The following FOXO3B variants were observed in gnomAD, a reference collection of about 807,000 sequenced individuals.
FOXO3B encodes the protein forkhead box O3B.
A neutral mutation model predicts 21.9 loss-of-function variants in FOXO3B; 15 were observed. The observed-to-expected ratio is 0.68, with a 90% CI of 0.46 to 1.05. The LOEUF (loss-of-function observed/expected upper bound fraction) is 1.05, where lower values mean the gene tolerates loss of function less well. FOXO3B is among the 50% of genes least tolerant of loss of function. FOXO3B has a pLI of 0.00. For synonymous variants in FOXO3B, 135 were observed against 213.6 expected (o/e 0.63, Z 3.21); for missense variants, 293 against 435.5 (o/e 0.67, Z 2.91).
At chr17:18,677,203 T>C (rs1370287382) in intron 3 of FOXO3B, 45 of 1,418,464 alleles carry the variant, frequency 3.2e-5, no homozygotes, top group Non-Finnish European at 4.3e-5. Context: ...TGGCACTATC[T>C]ACCAACAGTG....
chr17:18,678,923 G>A (rs2032538468), intron 3 of FOXO3B, among the ~76,000 whole-genome samples: 1 of 151,752 alleles, frequency 6.6e-6, no homozygotes, highest in Non-Finnish European at 1.5e-5. Flanking sequence ...TCCAGGAATG[G>A]GCCTAATACC....
rs1175189791 is a variant in FOXO3B at position 18,682,041 on chromosome 17, C to T, written c.-196+163G>A. The T allele has an allele frequency of 5.0e-6, 3 of 601,590 alleles. No individual in the cohort carries two copies. The African/African-American group carries it at 5.5e-5, about 11-fold the overall frequency. 37.3% of individuals were successfully genotyped at this position (601,590 alleles called of 1,614,324 possible). A position where few individuals can be genotyped will look rare whatever the true frequency, so the allele number is the denominator to read the frequency against. On this transcript the variant is annotated intron_variant, in intron 1 of 3. Coordinates refer to ENST00000395675, the MANE Select transcript of FOXO3B (RefSeq NM_001368135.1). The stretch of plus-strand genomic sequence containing the variant: ...CCCGCCCGTGGCACAACCGCGTCCC[C>T]CGAGGAGAGGATCAGGCCAGAGTGA...
At chr17:18,673,444 A>C (rs2032417598) in intron 3 of FOXO3B, among the ~76,000 whole-genome samples, 1 of 152,150 alleles carries the variant, frequency 6.6e-6, no homozygotes, top group African/African-American at 2.4e-5. Context: ...TAATAGCTTG[A>C]AATTTTTCTG....
In FOXO3B at chr17:18,671,694, CTCCGCTGCATGAG is replaced by C. The variant is rs2032367393; in HGVS notation, c.*602_*614del. ...CTTGGTGGTATACGGGAAGCTAGAACTCCGCTGCATGAGTCCCCCAGTGGGCGATGGCTGGGAT... is the reference window on the plus strand; with the variant it reads ...CTTGGTGGTATACGGGAAGCTAGAACTCCCCCAGTGGGCGATGGCTGGGAT... On this transcript the variant is annotated 3_prime_UTR_variant, in exon 4 of 4. Coordinates refer to ENST00000395675, the MANE Select transcript of FOXO3B (RefSeq NM_001368135.1). 6.2e-7 allele frequency: 1 copy of C among 1,613,456 alleles called. No homozygotes were observed. Among genetic ancestry groups the C allele is most frequent in the Admixed American group, 1.7e-5 (1 of 59,996 alleles).
chr17:18,678,850 T>C (rs2649429), intron 3 of FOXO3B, among the ~76,000 whole-genome samples: 23,381 of 152,064 alleles, frequency 0.15, 1,975 homozygotes, highest in African/African-American at 0.22. Context: ...TGCGTGCACG[T>C]GAATGTGTGT....
At chr17:18,680,013 G>A (rs1177377942) in intron 3 of FOXO3B, among the ~76,000 whole-genome samples, 1 of 151,882 alleles carries the variant, frequency 6.6e-6, no homozygotes, top group Non-Finnish European at 1.5e-5. Flanking sequence ...CTAATTTTTT[G>A]TGTTTTTAGT....
chr17:18,676,061 C>T (rs1255326334), intron 3 of FOXO3B, among the ~76,000 whole-genome samples: 1 of 152,118 alleles, frequency 6.6e-6, no homozygotes. Context: ...AAGAACTCCA[C>T]CAAATCAAGA....
At chr17:18,677,934 AAAG>A (rs1377355671) in intron 3 of FOXO3B, among the ~76,000 whole-genome samples, 3 of 143,466 alleles carry the variant, frequency 2.1e-5, no homozygotes, top group Non-Finnish European at 4.6e-5. Flanking sequence ...AAAAAAAAAG[AAAG>A]AAGAGAATTA....
chr17:18,677,653 T>C, intron 3 of FOXO3B: 2 of 1,607,450 alleles, frequency 1.2e-6, no homozygotes, highest in Non-Finnish European at 1.7e-6. Context: ...CCAGGGGGCT[T>C]GGGAGGGGCT....
intron 3 of FOXO3B, among the ~76,000 whole-genome samples, chr17:18,679,361 GAT>G (rs1207357969): frequency 6.6e-6 from 1 of 151,038 alleles, no homozygotes; most frequent in African/African-American, 2.5e-5. Flanking sequence ...TTACACTTTG[GAT>G]TACAGAAGCA....
chr17:18,668,566 C>T lies in FOXO3B; in HGVS notation c.*3743G>A, dbSNP rs1039508150. 6.6e-6 allele frequency: 1 copy of T among 152,584 alleles called. No individual in the cohort carries two copies. The highest frequency in any genetic ancestry group is 2.4e-5 in the African/African-American group (1 of 41,458). The allele number at this position is 152,584 out of a possible 1,614,324, so 9.5% of individuals were successfully genotyped here. On this transcript the variant is annotated 3_prime_UTR_variant, in exon 4 of 4. Transcript: ENST00000395675. ...GCCTTTCTCACTCCCAAAGCAGCTC[C>T]CTGGGTCTGTAAAACTGCAAAGGCA...
At position 18,672,282 on chromosome 17, in the gene FOXO3B, T is replaced by C. The variant is rs1188964509; in HGVS notation, c.*27A>G. On this transcript the variant is annotated 3_prime_UTR_variant, in exon 4 of 4. Coordinates refer to ENST00000395675, the MANE Select transcript of FOXO3B (RefSeq NM_001368135.1). The surrounding 1 kb of genome is among the most constrained non-coding windows in gnomAD (Gnocchi z 4.2). Reference sequence around the variant, plus strand: ...GGACCCGCATGAATCGACTATGCAGTGACAGGTTGTGCCGGATGGAGTTCT... The same window carrying C: ...GGACCCGCATGAATCGACTATGCAGCGACAGGTTGTGCCGGATGGAGTTCT... 1 of 1,611,810 alleles carries C rather than the reference T, an allele frequency of 6.2e-7. No homozygotes were observed. The highest frequency in any genetic ancestry group is 8.5e-7 in the Non-Finnish European group (1 of 1,178,494).
chr17:18,670,705 G>GT lies in FOXO3B; in HGVS notation c.*1603dup, dbSNP rs2032348029. On this transcript the variant is annotated 3_prime_UTR_variant, in exon 4 of 4. Transcript: ENST00000395675. ...TACTTTTTAGAGTTCTATTCCAAGG[G>GT]TAAGTGCTTCACCCAGGGTAAGGGG... Among the ~76,000 whole-genome samples, 1 of 152,156 alleles carries GT rather than the reference G, an allele frequency of 6.6e-6. No individual in the cohort carries two copies. Among genetic ancestry groups the GT allele is most frequent in the African/African-American group, 2.4e-5 (1 of 41,430 alleles).
chr17:18,678,003 G>A (rs1200208767), intron 3 of FOXO3B, among the ~76,000 whole-genome samples: 1 of 145,198 alleles, frequency 6.9e-6, no homozygotes, highest in Non-Finnish European at 1.5e-5. Flanking sequence ...AAGTAGAAAA[G>A]ACATTATGAG....
chr17:18,671,358 G>A lies in FOXO3B; in HGVS notation c.*951C>T. On this transcript the variant is annotated 3_prime_UTR_variant, in exon 4 of 4. Transcript: ENST00000395675. ...CTGATTGACCACACTTCCCTGGTTA[G>A]GCTGGGCAGCAAAGGACATCATCGG... The A allele has an allele frequency of 6.2e-7, 1 of 1,613,808 alleles. No homozygotes were observed. The highest frequency in any genetic ancestry group is 8.5e-7 in the Non-Finnish European group (1 of 1,179,854).
In FOXO3B at chr17:18,678,673, C is replaced by T. The variant is rs188266888; in HGVS notation, c.126+2068G>A. Reference sequence around the variant, plus strand: ...AATTTTCCATAATAGGTTCAATCACCTTGATGCTGTTAACAGTGTTGAATC... The same window carrying T: ...AATTTTCCATAATAGGTTCAATCACTTTGATGCTGTTAACAGTGTTGAATC... On this transcript the variant is annotated intron_variant, in intron 3 of 3. Transcript: ENST00000395675. Among the ~76,000 whole-genome samples, 318 of 151,230 alleles carry T rather than the reference C, an allele frequency of 2.1e-3. 1 individual carries two copies. The highest frequency in any genetic ancestry group is 7.6e-3 in the African/African-American group (311 of 41,000).
At chr17:18,675,358 A>C (rs941296691) in intron 3 of FOXO3B, among the ~76,000 whole-genome samples, 1 of 152,066 alleles carries the variant, frequency 6.6e-6, no homozygotes, top group African/African-American at 2.4e-5. Context: ...TAACATAAGA[A>C]AAGGTAAAAA....
At position 18,667,786 on chromosome 17, in the gene FOXO3B, T is replaced by C. The variant is rs985814902; in HGVS notation, c.*4523A>G. 8 of 152,000 alleles carry C rather than the reference T, an allele frequency of 5.3e-5. No homozygotes were observed. Among genetic ancestry groups the C allele is most frequent in the South Asian group, 4.1e-4 (2 of 4,822 alleles). 9.4% of individuals were successfully genotyped at this position (152,000 alleles called of 1,614,324 possible). ...CAGCAGATCCCAAGAGCGCATGTCA[T>C]GTTTTCAACATTAGGTACTCTTCTA... On this transcript the variant is annotated 3_prime_UTR_variant, in exon 4 of 4. Transcript: ENST00000395675.
rs1467451705 is a variant in FOXO3B, at chr17:18,673,163, C to T, written c.127-108G>A. 4 of 1,299,346 alleles carry T rather than the reference C, an allele frequency of 3.1e-6. No homozygotes were observed. In the African/African-American group the frequency reaches 6.5e-5, roughly 21 times the overall value. 80.5% of individuals were successfully genotyped at this position (1,299,346 alleles called of 1,614,324 possible). A position where few individuals can be genotyped will look rare whatever the true frequency, so the allele number is the denominator to read the frequency against. Reference sequence around the variant, plus strand: ...CGCCACCTCCCAGTCTTGCCGCGCCCGCCTCCCAGGAACAGGAGACCATAC... The same window carrying T: ...CGCCACCTCCCAGTCTTGCCGCGCCTGCCTCCCAGGAACAGGAGACCATAC... On this transcript the variant is annotated intron_variant, in intron 3 of 3. Coordinates refer to ENST00000395675, the MANE Select transcript of FOXO3B (RefSeq NM_001368135.1).
Sources: gnomAD v4.1 joint callset for allele counts (sites outside exome capture counted in the v4.1 genomes callset) on GRCh38, gnomAD v4.1.1 for gene constraint, Gnocchi (gnomAD v3.1) non-coding constraint, MANE v1.5 for transcripts, NCBI Gene and HGNC (gene_info 2026-07-23, HGNC 2026-07-21) for gene names.